The following UBE2E3 variants were observed in gnomAD, a reference collection of about 807,000 sequenced individuals.
UBE2E3 encodes ubiquitin-conjugating enzyme E2 E3.
A neutral mutation model predicts 23.6 loss-of-function variants in UBE2E3; 5 were observed. The observed-to-expected ratio is 0.21, with a 90% confidence interval of 0.11 to 0.44. The LOEUF (loss-of-function observed/expected upper bound fraction) is 0.44, where lower values mean the gene tolerates loss of function less well. UBE2E3 is among the 20% of genes least tolerant of loss of function. UBE2E3 has a pLI of 0.99. For missense variants in UBE2E3, 81 were observed against 249.8 expected, an observed-to-expected ratio of 0.32 and a Z score of 4.55; for synonymous variants, 78 against 87.5, an observed-to-expected ratio of 0.89 and a Z score of 0.60.
At chr2:181,050,198 T>C (rs1256324551) in intron 3 of UBE2E3, among the ~76,000 whole-genome samples, 1 of 151,964 alleles carries the variant, frequency 6.6e-6, no homozygotes, top group Non-Finnish European at 1.5e-5. Context: ...CCTGAACAGT[T>C]ATTGAAGGTG....
At chr2:180,987,653 T>TA (rs1439854503) in intron 3 of UBE2E3, among the ~76,000 whole-genome samples, 1 of 152,022 alleles carries the variant, frequency 6.6e-6, no homozygotes, top group Non-Finnish European at 1.5e-5. Context: ...TCTTTAAAAA[T>TA]AAAAAAATAA....
intron 3 of UBE2E3, among the ~76,000 whole-genome samples, chr2:181,039,800 CCAAAATTCT>C (rs1398183522): frequency 1.3e-5 from 2 of 152,084 alleles, no homozygotes; most frequent in Non-Finnish European, 2.9e-5. Flanking sequence ...TCCACAGATA[CCAAAATTCT>C]CAAAATACTC....
At chr2:181,041,399 G>T (rs1426839480) in intron 3 of UBE2E3, among the ~76,000 whole-genome samples, 1 of 151,546 alleles carries the variant, frequency 6.6e-6, no homozygotes, top group Non-Finnish European at 1.5e-5. Flanking sequence ...TATTTTAATT[G>T]TTAAAATGGA....
At chr2:181,003,725 A>T (rs1685056251) in intron 3 of UBE2E3, among the ~76,000 whole-genome samples, 1 of 152,142 alleles carries the variant, frequency 6.6e-6, no homozygotes, top group African/African-American at 2.4e-5. Context: ...GGACATTTTT[A>T]TTGCCGTTTA....
chr2:181,060,958 G>A, intron 5 of UBE2E3, 146 bp downstream of exon 5: 1 of 879,404 alleles, frequency 1.1e-6, no homozygotes, highest in Non-Finnish European at 1.6e-6. Flanking sequence ...CAGTTTGTGA[G>A]GAAATTACCA....
intron 3 of UBE2E3, among the ~76,000 whole-genome samples, chr2:181,009,033 A>G (rs1391931498): frequency 6.6e-6 from 1 of 151,916 alleles, no homozygotes; most frequent in African/African-American, 2.4e-5. Flanking sequence ...AAGGATACTT[A>G]TTCTAAAACA....
At chr2:181,035,727 T>G (rs189890163) in intron 3 of UBE2E3, among the ~76,000 whole-genome samples, 186 of 152,278 alleles carry the variant, frequency 1.2e-3, no homozygotes, top group African/African-American at 4.3e-3. Context: ...TTAATGTTAG[T>G]GTATTTTATA....
intron 3 of UBE2E3, among the ~76,000 whole-genome samples, chr2:181,021,578 C>CCTT (rs1685687463): frequency 1.8e-5 from 1 of 56,624 alleles, no homozygotes; most frequent in African/African-American, 7.6e-5. Flanking sequence ...CTTCCTCCCT[C>CCTT]CCTCCCTTCC....
chr2:180,981,818 A>G (rs1437235354), intron 1 of UBE2E3, among the ~76,000 whole-genome samples, 200 bp from the exon 2 acceptor site: 2 of 152,220 alleles, frequency 1.3e-5, no homozygotes, highest in Admixed American at 1.3e-4. Context: ...TTCTAACTTG[A>G]GTTCGGCAAA....
chr2:181,034,476 A>G (rs574262751), intron 3 of UBE2E3, among the ~76,000 whole-genome samples: 10 of 152,322 alleles, frequency 6.6e-5, no homozygotes, highest in African/African-American at 1.2e-4. Flanking sequence ...GAATTGAACA[A>G]TGAGAACACT....
intron 3 of UBE2E3, among the ~76,000 whole-genome samples, chr2:181,019,018 C>G (rs1685587891): frequency 6.6e-6 from 1 of 152,046 alleles, no homozygotes; most frequent in Non-Finnish European, 1.5e-5. Flanking sequence ...GGCTGGAGGG[C>G]AGTGGTGTGA....
intron 3 of UBE2E3, among the ~76,000 whole-genome samples, chr2:180,986,591 TATTA>T (rs1202545330): frequency 4.6e-5 from 7 of 152,162 alleles, no homozygotes; most frequent in Non-Finnish European, 1.0e-4. Flanking sequence ...AGTTTAAATT[TATTA>T]ATTTATGCTA....
chr2:181,048,632 G>C (rs973559125), intron 3 of UBE2E3, among the ~76,000 whole-genome samples: 1 of 147,780 alleles, frequency 6.8e-6, no homozygotes. Context: ...ATTTTTCTAC[G>C]TTATTTCCCC....
chr2:180,986,361 T>C (rs753700691), intron 3 of UBE2E3, among the ~76,000 whole-genome samples: 1 of 152,158 alleles, frequency 6.6e-6, no homozygotes, highest in Non-Finnish European at 1.5e-5. Context: ...AGATACTTTG[T>C]CTTCAAATTC....
At chr2:181,060,106 C>T (rs1687100304) in intron 4 of UBE2E3, among the ~76,000 whole-genome samples, 1 of 151,672 alleles carries the variant, frequency 6.6e-6, no homozygotes, top group South Asian at 2.1e-4. Flanking sequence ...AGTGAACCAG[C>T]TGTAGAAATA....
chr2:180,981,219 T>C (rs1684279421), intron 1 of UBE2E3: 1 of 150,750 alleles, frequency 6.6e-6, no homozygotes, highest in African/African-American at 2.4e-5. Flanking sequence ...CCGCCGGCCG[T>C]GGCTCGCCTC....
intron 3 of UBE2E3, among the ~76,000 whole-genome samples, chr2:180,987,796 C>T (rs1271728296): frequency 2.6e-5 from 4 of 152,040 alleles, no homozygotes; most frequent in East Asian, 3.8e-4. Flanking sequence ...TTTTCTAGGG[C>T]GGACTAGAAC....
At chr2:181,014,272 G>A (rs1685422486) in intron 3 of UBE2E3, among the ~76,000 whole-genome samples, 1 of 152,128 alleles carries the variant, frequency 6.6e-6, no homozygotes, top group South Asian at 2.1e-4. Context: ...GTGAGTTTGA[G>A]TTACTTAAGG....
At position 180,981,106 on chromosome 2, in the gene UBE2E3, C is replaced by A. The variant is rs1382373667; in HGVS notation, c.-26+133C>A. On this transcript the variant is annotated intron_variant, in intron 1 of 5. Transcript: ENST00000410062. ...CCGGTGTCCGCGAGCCGCGGCGGGG[C>A]CGGCTGGGCTGCTCGCATCACTTGG... The A allele has an allele frequency of 6.3e-4, 93 of 146,500 alleles. 1 individual carries two copies. The East Asian group carries it at 0.016, about 25-fold the overall frequency. 9.1% of individuals were successfully genotyped at this position (146,500 alleles called of 1,614,324 possible). A position where few individuals can be genotyped will look rare whatever the true frequency, so the allele number is the denominator to read the frequency against.
Sources: allele counts gnomAD v4.1 joint callset (sites outside exome capture counted in the v4.1 genomes callset), GRCh38; gene constraint gnomAD v4.1.1; transcripts MANE v1.5; gene names NCBI Gene and HGNC (gene_info 2026-07-23, HGNC 2026-07-21).